Variants in SPOCK1 observed in about 807,000 individuals in gnomAD.
SPOCK1 encodes the protein SPARC (osteonectin), cwcv and kazal like domains proteoglycan 1.
SPOCK1 carries 23 observed loss-of-function variants against 55.3 expected under a neutral mutation model. The observed-to-expected ratio is 0.42, with a 90% CI of 0.30 to 0.59. SPOCK1 has a LOEUF of 0.59. Ranked by LOEUF, SPOCK1 falls within the 20% of genes least tolerant of loss-of-function variation. The probability of loss-of-function intolerance (pLI) is 0.22; values close to 1 mark genes in which losing one functional copy is unlikely to be tolerated. For missense variants in SPOCK1, 499 were observed against 552.5 expected, an observed-to-expected ratio of 0.90 and a Z score of 0.97; for synonymous variants, 226 against 221.0, an observed-to-expected ratio of 1.02 and a Z score of -0.20.
chr5:137,442,282 G>A (rs1461225583), intron 2 of SPOCK1, among the ~76,000 whole-genome samples: 2 of 152,130 alleles, frequency 1.3e-5, no homozygotes, highest in Non-Finnish European at 2.9e-5. Context: ...GGGGACGGGG[G>A]AGCGGGGGGA....
chr5:137,244,640 C>CA (rs1369232018), intron 3 of SPOCK1, among the ~76,000 whole-genome samples: 1 of 152,192 alleles, frequency 6.6e-6, no homozygotes, highest in Non-Finnish European at 1.5e-5. Flanking sequence ...GACAGAGTCC[C>CA]ACTTGACACT....
intron 2 of SPOCK1, among the ~76,000 whole-genome samples, chr5:137,415,127 T>C (rs1052249528): frequency 1.3e-5 from 2 of 152,094 alleles, no homozygotes; most frequent in Non-Finnish European, 1.5e-5. Flanking sequence ...AAATTTAAAA[T>C]TGATGAGAAA....
intron 5 of SPOCK1, among the ~76,000 whole-genome samples, chr5:137,070,704 C>T (rs2127007769): frequency 6.6e-6 from 1 of 152,318 alleles, no homozygotes; most frequent in Middle Eastern, 3.4e-3. Context: ...CCTCAGCCTG[C>T]CTGCTCACCC....
intron 2 of SPOCK1, among the ~76,000 whole-genome samples, chr5:137,319,676 T>C (rs1757944351): frequency 1.3e-5 from 2 of 152,154 alleles, no homozygotes; most frequent in South Asian, 2.1e-4. Context: ...CCGGGCGCGG[T>C]GGCTCACGCC....
chr5:137,034,665 C>G (rs1405878196), intron 6 of SPOCK1, among the ~76,000 whole-genome samples: 1 of 152,166 alleles, frequency 6.6e-6, no homozygotes, highest in African/African-American at 2.4e-5. Flanking sequence ...CATCCTGAGG[C>G]TAGGAGGTAG....
intron 2 of SPOCK1, among the ~76,000 whole-genome samples, chr5:137,322,674 A>G (rs1758001652): frequency 6.6e-6 from 1 of 152,038 alleles, no homozygotes; most frequent in Non-Finnish European, 1.5e-5. Flanking sequence ...AAGATACATA[A>G]ATGAAAATGA....
At chr5:137,093,329 G>A (rs1753081444) in intron 5 of SPOCK1, among the ~76,000 whole-genome samples, 1 of 152,186 alleles carries the variant, frequency 6.6e-6, no homozygotes, top group Admixed American at 6.5e-5. Context: ...GCCCTGGAGA[G>A]ATTCTGGACT....
intron 5 of SPOCK1, among the ~76,000 whole-genome samples, chr5:137,069,151 G>A (rs948058570): frequency 6.6e-6 from 1 of 152,194 alleles, no homozygotes; most frequent in Non-Finnish European, 1.5e-5. Flanking sequence ...CATTGTAAGA[G>A]GACAAGCTAT....
intron 3 of SPOCK1, among the ~76,000 whole-genome samples, chr5:137,199,208 C>G (rs1217132795): frequency 2.6e-5 from 4 of 152,176 alleles, no homozygotes; most frequent in African/African-American, 7.2e-5. Context: ...ATTGCGATGA[C>G]AGCCACCTGT....
At chr5:137,327,892 G>C (rs1580868759) in intron 2 of SPOCK1, among the ~76,000 whole-genome samples, 1 of 152,134 alleles carries the variant, frequency 6.6e-6, no homozygotes, top group East Asian at 1.9e-4. Flanking sequence ...TCAAGCCAAA[G>C]AAACAGTGGA....
At chr5:137,081,628 G>A (rs1236486369) in intron 5 of SPOCK1, among the ~76,000 whole-genome samples, 1 of 152,170 alleles carries the variant, frequency 6.6e-6, no homozygotes, top group Non-Finnish European at 1.5e-5. Context: ...AGAGCCAACA[G>A]AAACGAAACC....
chr5:137,470,546 T>C lies in SPOCK1; in HGVS notation c.186+27827A>G, dbSNP rs1243428546. Among the ~76,000 whole-genome samples, 3 of 152,276 alleles carry C rather than the reference T, an allele frequency of 2.0e-5. No homozygotes were observed. The East Asian group carries it at 5.8e-4, about 29-fold the overall frequency. Reference sequence around the variant, plus strand: ...CTTCTGAAGGTGTGGCTGCTGAGCATGGTGCCCTCGAGACCCCACCATGCC... The same window carrying C: ...CTTCTGAAGGTGTGGCTGCTGAGCACGGTGCCCTCGAGACCCCACCATGCC... On this transcript the variant is annotated intron_variant, in intron 2 of 10. Coordinates refer to ENST00000394945, the MANE Select transcript of SPOCK1 (RefSeq NM_004598.4).
intron 6 of SPOCK1, among the ~76,000 whole-genome samples, chr5:137,009,481 GT>G (rs1333947886): frequency 6.6e-6 from 1 of 152,142 alleles, no homozygotes; most frequent in East Asian, 1.9e-4. Flanking sequence ...GAGATAATCT[GT>G]ATTTGCATTT....
intron 6 of SPOCK1, 93 bp downstream of exon 6, chr5:137,067,622 T>C (rs1236914318): frequency 6.5e-6 from 7 of 1,077,520 alleles, no homozygotes; most frequent in Non-Finnish European, 9.8e-6. Context: ...TTCTCCAGTT[T>C]GTTCCTAGTG....
chr5:137,061,307 C>T (rs1752390221), intron 6 of SPOCK1, among the ~76,000 whole-genome samples: 1 of 152,164 alleles, frequency 6.6e-6, no homozygotes, highest in Non-Finnish European at 1.5e-5. Context: ...TTTTTCACCG[C>T]CTCCTGTTCC....
At chr5:137,126,034 G>A (rs937726768) in intron 4 of SPOCK1, among the ~76,000 whole-genome samples, 4 of 152,216 alleles carry the variant, frequency 2.6e-5, no homozygotes, top group African/African-American at 9.6e-5. Context: ...CAAATCTCAA[G>A]TTTGATCCCC....
chr5:137,493,270 A>T (rs2149845845), intron 2 of SPOCK1, among the ~76,000 whole-genome samples: 1 of 152,354 alleles, frequency 6.6e-6, no homozygotes, highest in East Asian at 1.9e-4. Flanking sequence ...TTATTTAATT[A>T]CTAACATTAT....
intron 3 of SPOCK1, among the ~76,000 whole-genome samples, chr5:137,244,211 A>G (rs1756351222): frequency 6.6e-6 from 1 of 152,224 alleles, no homozygotes; most frequent in Non-Finnish European, 1.5e-5. Context: ...GTACTCAAAA[A>G]CACAAAGTCA....
chr5:137,124,850 G>A (rs1580763435), intron 4 of SPOCK1, among the ~76,000 whole-genome samples: 2 of 152,188 alleles, frequency 1.3e-5, no homozygotes, highest in Admixed American at 6.5e-5. Flanking sequence ...AAGACAAAGA[G>A]AGAAGGCCCT....
Sources: gnomAD v4.1 joint callset for allele counts (sites outside exome capture counted in the v4.1 genomes callset) on GRCh38, gnomAD v4.1.1 for gene constraint, MANE v1.5 for transcripts, NCBI Gene and HGNC (gene_info 2026-07-23, HGNC 2026-07-21) for gene names.